Variants in SLC12A1 observed in about 807,000 individuals in gnomAD.
The protein encoded by SLC12A1 is Na-K-2Cl cotransporter.
Under a neutral mutation model 130.4 loss-of-function variants are expected in SLC12A1, and 89 were observed. The observed-to-expected ratio is 0.68, with a 90% CI of 0.58 to 0.81. SLC12A1 has a LOEUF of 0.81. SLC12A1 is among the 40% of genes least tolerant of loss of function. SLC12A1 has a pLI of 0.00. For synonymous variants in SLC12A1, 499 were observed against 460.0 expected (o/e 1.08, Z -1.09); for missense variants, 1,310 against 1,336.4 (o/e 0.98, Z 0.31).
chr15:48,276,729 T>A (rs894446053), intron 20 of SLC12A1, among the ~76,000 whole-genome samples: 2 of 152,210 alleles, frequency 1.3e-5, no homozygotes, highest in Non-Finnish European at 2.9e-5. Flanking sequence ...CTAATGTGGA[T>A]TGAAACCACC....
intron 15 of SLC12A1, among the ~76,000 whole-genome samples, chr15:48,254,780 C>A (rs1054452441): frequency 6.6e-6 from 1 of 151,702 alleles, no homozygotes; most frequent in Middle Eastern, 3.2e-3. Flanking sequence ...AAAAATTAGC[C>A]GGGCGTGGTG....
At chr15:48,293,203 C>G (rs1357558964) in intron 24 of SLC12A1, among the ~76,000 whole-genome samples, 2 of 152,220 alleles carry the variant, frequency 1.3e-5, no homozygotes, top group African/African-American at 4.8e-5. Flanking sequence ...GCCATCACAC[C>G]TGGCAACACT....
At chr15:48,261,312 C>A (rs1269560072) in intron 17 of SLC12A1, among the ~76,000 whole-genome samples, 1 of 152,222 alleles carries the variant, frequency 6.6e-6, no homozygotes, top group African/African-American at 2.4e-5. Flanking sequence ...TTTTAATTAA[C>A]CATTTGCTGC....
chr15:48,300,431 G>C (rs931607676), intron 25 of SLC12A1, among the ~76,000 whole-genome samples: 5 of 152,158 alleles, frequency 3.3e-5, no homozygotes, highest in Non-Finnish European at 7.4e-5. Flanking sequence ...ATTTTGGACA[G>C]TGAAGGAAGA....
chr15:48,214,233 T>C (rs2041091386), intron 2 of SLC12A1, among the ~76,000 whole-genome samples: 1 of 151,960 alleles, frequency 6.6e-6, no homozygotes, highest in Admixed American at 6.6e-5. Context: ...CAGGGCCAGT[T>C]CCCCGGGGAG....
Position 48,208,067 on chromosome 15 carries a change from T to C in SLC12A1, c.348T>C (p.Arg116=). The C allele has an allele frequency of 6.2e-7, 1 of 1,613,600 alleles. No individual in the cohort carries two copies. Among genetic ancestry groups the C allele is most frequent in the Admixed American group, 1.7e-5 (1 of 60,008 alleles). Residue 116 remains arginine (R), a synonymous_variant, in exon 2 of 27, where the codon CGT becomes CGC. Coordinates refer to ENST00000380993, the MANE Select transcript of SLC12A1 (RefSeq NM_000338.3). Reference sequence around the variant, plus strand: ...CCGTTCCCAAGATAGAGTACTATCGTAACACCGGCAGCATCAGTGGGCCCA... The same window carrying C: ...CCGTTCCCAAGATAGAGTACTATCGCAACACCGGCAGCATCAGTGGGCCCA... ...MDAVPKIEYY[R]NTGSISGPKV... is the part of the protein sequence containing the mutation.
At chr15:48,273,793 A>G (rs756845419) in intron 19 of SLC12A1, among the ~76,000 whole-genome samples, 1 of 152,208 alleles carries the variant, frequency 6.6e-6, no homozygotes, top group Non-Finnish European at 1.5e-5. Context: ...CTGGGGTAGG[A>G]TGACCTAATG....
chr15:48,269,740 T>C lies in SLC12A1; in HGVS notation c.2378T>C (p.Ile793Thr), dbSNP rs1035810225. The change falls in exon 19 of 27, where the codon ATT (isoleucine) becomes ACT (threonine). Residue 793 changes from isoleucine (I) to threonine (T), a missense_variant. Transcript: ENST00000380993. Reference protein sequence around the residue: ...KNWRKAPLTEIENYVGIIHDA... With the variant: ...KNWRKAPLTETENYVGIIHDA... ...TGGAGGAAAGCTCCCTTGACAGAGA[T>C]TGAGAACTACGTGGGAATCATACAG... The C allele has an allele frequency of 8.7e-6, 14 of 1,604,264 alleles. No homozygotes were observed. Among genetic ancestry groups the C allele is most frequent in the Non-Finnish European group, 1.2e-5 (14 of 1,171,524 alleles).
intron 20 of SLC12A1, among the ~76,000 whole-genome samples, chr15:48,281,847 G>T (rs192664102): frequency 6.6e-6 from 1 of 152,272 alleles, no homozygotes; most frequent in African/African-American, 2.4e-5. Flanking sequence ...ATACTCTCTT[G>T]GCTGGCTCCC....
rs145191647 is a variant in SLC12A1 at position 48,254,902 on chromosome 15, C to T, written c.1943-909C>T. Reference sequence around the variant, plus strand: ...TCGCGCCACTGCACTCCAGCCTGGGCGACAGAGCCAGACTCCGTCTCAAAC... The same window carrying T: ...TCGCGCCACTGCACTCCAGCCTGGGTGACAGAGCCAGACTCCGTCTCAAAC... On this transcript the variant is annotated intron_variant, in intron 15 of 26. Coordinates refer to ENST00000380993, the MANE Select transcript of SLC12A1 (RefSeq NM_000338.3). Among the ~76,000 whole-genome samples the T allele has an allele frequency of 4.8e-3, 721 of 151,078 alleles. 7 individuals are homozygous for T. The highest frequency in any genetic ancestry group is 0.017 in the African/African-American group (698 of 41,180).
intron 20 of SLC12A1, 83 bp from the exon 21 acceptor site, chr15:48,285,023 T>G: frequency 9.2e-7 from 1 of 1,084,278 alleles, no homozygotes; most frequent in Non-Finnish European, 1.3e-6. Flanking sequence ...TACATACCAT[T>G]TTAAATATTA....
chr15:48,247,702 C>T (rs1035709333), intron 13 of SLC12A1, among the ~76,000 whole-genome samples: 9 of 152,198 alleles, frequency 5.9e-5, no homozygotes, highest in African/African-American at 1.7e-4. Context: ...AACCACATGA[C>T]GCTGAATCCT....
chr15:48,275,135 A>C (rs1334934496), intron 20 of SLC12A1, among the ~76,000 whole-genome samples: 1 of 151,930 alleles, frequency 6.6e-6, no homozygotes. Context: ...CAGATGAGTG[A>C]CTCTTTGTTT....
chr15:48,221,666 T>A (rs1282078032), intron 4 of SLC12A1, among the ~76,000 whole-genome samples: 2 of 152,248 alleles, frequency 1.3e-5, no homozygotes, highest in African/African-American at 4.8e-5. Context: ...ATATTATTTC[T>A]TCTAGCAAAT....
chr15:48,253,139 G>A (rs2041666883), intron 15 of SLC12A1, among the ~76,000 whole-genome samples: 1 of 152,202 alleles, frequency 6.6e-6, no homozygotes, highest in African/African-American at 2.4e-5. Flanking sequence ...AGCAGAGCTT[G>A]TAGTAACTAC....
intron 5 of SLC12A1, chr15:48,227,365 T>C: frequency 5.0e-6 from 3 of 598,928 alleles, no homozygotes; most frequent in Non-Finnish European, 8.9e-6. Flanking sequence ...ACATGACCCA[T>C]TTCTTGTAAC....
At position 48,272,674 on chromosome 15, in the gene SLC12A1, G is replaced by A. The variant is rs111489080; in HGVS notation, c.2403-1897G>A. On this transcript the variant is annotated intron_variant, in intron 19 of 26. Coordinates refer to ENST00000380993, the MANE Select transcript of SLC12A1 (RefSeq NM_000338.3). ...AACTCCTGACCTCAGGTGATCCACC[G>A]CCTTGGCCTCCCAGAGTGTTTGGAT... 6.8e-3 allele frequency among the ~76,000 whole-genome samples: 1,033 copies of A among 152,220 alleles called. 6 individuals are homozygous for A. Among genetic ancestry groups the A allele is most frequent in the South Asian group, 0.013 (61 of 4,820 alleles).
intron 15 of SLC12A1, among the ~76,000 whole-genome samples, chr15:48,252,816 G>T (rs1374099980): frequency 5.9e-5 from 9 of 152,166 alleles, no homozygotes. Flanking sequence ...GTGCGGGGCA[G>T]CATATTTGGG....
chr15:48,233,025 C>G (rs1269814188), intron 8 of SLC12A1, among the ~76,000 whole-genome samples, 187 bp downstream of exon 8: 1 of 152,196 alleles, frequency 6.6e-6, no homozygotes, highest in African/African-American at 2.4e-5. Context: ...AACTATCATT[C>G]TCTTCTGAAA....
Sources: gnomAD v4.1 joint callset for allele counts (sites outside exome capture counted in the v4.1 genomes callset) on GRCh38, gnomAD v4.1.1 for gene constraint, MANE v1.5 for transcripts, NCBI Gene and HGNC (gene_info 2026-07-23, HGNC 2026-07-21) for gene names.